LOC128462377: variants seen among roughly 807,000 people sequenced by gnomAD.
the LOC128462377 span, among the ~76,000 whole-genome samples, chr16:89,350,064 C>T: frequency 6.6e-6 from 1 of 152,110 alleles, no homozygotes; most frequent in Non-Finnish European, 1.5e-5. Flanking sequence ...CATGGATAGT[C>T]CCTTCCCCCC....
the LOC128462377 span, among the ~76,000 whole-genome samples, chr16:89,375,372 T>C: frequency 2.0e-5 from 3 of 152,312 alleles, no homozygotes; most frequent in African/African-American, 4.8e-5. Flanking sequence ...ATGGATCGTT[T>C]GAGCCCGGGA....
chr16:89,368,907 T>A, the LOC128462377 span, among the ~76,000 whole-genome samples: 1 of 151,900 alleles, frequency 6.6e-6, no homozygotes, highest in Admixed American at 6.6e-5. Context: ...TCCAAAAATT[T>A]AAAAAATGGG....
At chr16:89,339,501 T>C in the LOC128462377 span, among the ~76,000 whole-genome samples, 3 of 152,252 alleles carry the variant, frequency 2.0e-5, no homozygotes, top group Non-Finnish European at 4.4e-5. Flanking sequence ...AAGAGTCAGA[T>C]ATAAAGGTGG....
the LOC128462377 span, among the ~76,000 whole-genome samples, chr16:89,341,801 G>A: frequency 6.6e-6 from 1 of 152,046 alleles, no homozygotes; most frequent in Non-Finnish European, 1.5e-5. Context: ...GGCAGAGTCT[G>A]GCACGGATGG....
At chr16:89,345,654 A>G in the LOC128462377 span, among the ~76,000 whole-genome samples, 2 of 152,256 alleles carry the variant, frequency 1.3e-5, no homozygotes, top group African/African-American at 4.8e-5. Context: ...TACAAGACCA[A>G]GTTTGTCAGA....
chr16:89,365,905 C>T, the LOC128462377 span, among the ~76,000 whole-genome samples: 1 of 151,832 alleles, frequency 6.6e-6, no homozygotes, highest in Non-Finnish European at 1.5e-5. Flanking sequence ...TGGTCCCTCT[C>T]TGTGTCCACG....
At chr16:89,381,474 A>AAC in the LOC128462377 span, among the ~76,000 whole-genome samples, 1 of 152,202 alleles carries the variant, frequency 6.6e-6, no homozygotes, top group Non-Finnish European at 1.5e-5. Context: ...TTCACATTGT[A>AAC]ACAGCCCCAA....
At chr16:89,393,322 T>A in the LOC128462377 span, among the ~76,000 whole-genome samples, 13 of 150,920 alleles carry the variant, frequency 8.6e-5, no homozygotes, top group South Asian at 1.5e-3. Flanking sequence ...TTATTTTTTT[T>A]TTTTTTGAGA....
At chr16:89,345,436 G>A in the LOC128462377 span, among the ~76,000 whole-genome samples, 27 of 152,302 alleles carry the variant, frequency 1.8e-4, no homozygotes, top group Non-Finnish European at 2.9e-4. Flanking sequence ...AGGCAGTCCC[G>A]TCCATTCCTC....
At chr16:89,405,805 C>T in the LOC128462377 span, among the ~76,000 whole-genome samples, 1 of 152,088 alleles carries the variant, frequency 6.6e-6, no homozygotes, top group African/African-American at 2.4e-5. Flanking sequence ...CCCCAGCGCT[C>T]CTCACAAAGG....
chr16:89,406,576 C>G, the LOC128462377 span, among the ~76,000 whole-genome samples: 1 of 152,158 alleles, frequency 6.6e-6, no homozygotes, highest in African/African-American at 2.4e-5. Flanking sequence ...ATGTGCTTCC[C>G]CAGTGCTTAT....
At chr16:89,377,482 G>C in the LOC128462377 span, among the ~76,000 whole-genome samples, 1 of 152,030 alleles carries the variant, frequency 6.6e-6, no homozygotes, top group Non-Finnish European at 1.5e-5. Flanking sequence ...GCCGGGGCAG[G>C]AGGGCTGGGG....
the LOC128462377 span, among the ~76,000 whole-genome samples, chr16:89,409,449 C>T: frequency 3.9e-5 from 6 of 152,166 alleles, no homozygotes; most frequent in South Asian, 2.1e-4. Context: ...GTCTTGTGCA[C>T]GTCACGGCCC....
At chr16:89,407,067 C>T in the LOC128462377 span, among the ~76,000 whole-genome samples, 2 of 151,908 alleles carry the variant, frequency 1.3e-5, no homozygotes, top group African/African-American at 4.8e-5. Flanking sequence ...GCATCTGTAA[C>T]CCCAGGTACT....
the LOC128462377 span, chr16:89,360,554 T>C: frequency 6.6e-6 from 1 of 152,210 alleles, no homozygotes; most frequent in Non-Finnish European, 1.5e-5. Flanking sequence ...GTGGTTCCAA[T>C]ATTTACTTTC....
At chr16:89,374,839 C>T in the LOC128462377 span, among the ~76,000 whole-genome samples, 8 of 152,014 alleles carry the variant, frequency 5.3e-5, no homozygotes, top group Admixed American at 2.6e-4. Flanking sequence ...AGTCACCCAT[C>T]GATTTGTTTT....
chr16:89,392,540 C>T, the LOC128462377 span: 5 of 152,132 alleles, frequency 3.3e-5, no homozygotes, highest in South Asian at 6.2e-4. Context: ...TGTGATGCCA[C>T]GCTGAGATGC....
At chr16:89,375,738 G>A in the LOC128462377 span, among the ~76,000 whole-genome samples, 1 of 138,262 alleles carries the variant, frequency 7.2e-6, no homozygotes, top group African/African-American at 2.7e-5. Context: ...TTACAAGCAT[G>A]AGCCACTGCA....
At chr16:89,382,087 C>T in the LOC128462377 span, among the ~76,000 whole-genome samples, 6 of 152,150 alleles carry the variant, frequency 3.9e-5, no homozygotes, top group African/African-American at 9.7e-5. Context: ...CCCAGGCAGG[C>T]GCCACCAGAA....
Sources: gnomAD v4.1 joint callset for allele counts (sites outside exome capture counted in the v4.1 genomes callset) on GRCh38, gnomAD v4.1.1 for gene constraint, MANE v1.5 for transcripts.